The following TRIOBP variants were observed in gnomAD, a reference collection of about 807,000 sequenced individuals.
TRIOBP encodes TRIO and F-actin binding protein, also known as TRIO and F-actin-binding protein.
In TRIOBP, 169 loss-of-function variants were observed where a neutral mutation model predicts 238.8. The ratio of observed to expected loss-of-function variants is 0.71; its 90% CI spans 0.62 to 0.80. The LOEUF (loss-of-function observed/expected upper bound fraction) is 0.80, where lower values mean the gene tolerates loss of function less well. Among genes scored for constraint, TRIOBP ranks in the 30% least tolerant of loss-of-function variants. The pLI, the probability that TRIOBP is intolerant of heterozygous loss-of-function variation, is 0.00. For missense variants in TRIOBP, 2,838 were observed against 3,122.6 expected (o/e 0.91, Z 2.17); for synonymous variants, 1,150 against 1,274.4 (o/e 0.90, Z 2.08).
intron 3 of TRIOBP, among the ~76,000 whole-genome samples, chr22:37,705,907 C>T (rs188641108): frequency 8.5e-4 from 130 of 152,192 alleles, no homozygotes; most frequent in African/African-American, 3.0e-3. Flanking sequence ...AAGGGAGTGA[C>T]GTGCTCTGAT....
chr22:37,765,758 A>G lies in TRIOBP; in HGVS notation c.6413A>G (p.Gln2138Arg), dbSNP rs1449266707. 6.3e-6 allele frequency: 10 copies of G among 1,581,004 alleles called. No homozygotes were observed. The highest frequency in any genetic ancestry group is 8.6e-6 in the Non-Finnish European group (10 of 1,165,390). Residue 2138 changes from glutamine (Q) to arginine (R), a missense_variant, in exon 18 of 24, where the codon CAG becomes CGG. Physicochemically the swap from Gln to Arg is conservative, Grantham distance 43 (BLOSUM62 1). Around this residue, in one of 5 missense-constraint regions of TRIOBP, gnomAD observed 2,096 missense variants for 2,137.4 expected, o/e 0.98. Coordinates refer to ENST00000644935, the MANE Select transcript of TRIOBP (RefSeq NM_001039141.3). ...CAGCGGCACCACGAGCGGGAGCTGC[A>G]GCGCCTGCAGCAGGAGAAGGAGTGG... ...ELQRHHERELQRLQQEKEWLL... is the reference protein window; with the variant it reads ...ELQRHHERELRRLQQEKEWLL...
chr22:37,709,237 G>A (rs577926380), intron 3 of TRIOBP, among the ~76,000 whole-genome samples: 2 of 152,322 alleles, frequency 1.3e-5, no homozygotes, highest in South Asian at 4.1e-4. Flanking sequence ...ACCCTGTGGT[G>A]CCGACCAGGC....
chr22:37,742,257 G>GTTTT (rs762341330), intron 11 of TRIOBP, among the ~76,000 whole-genome samples: 1,970 of 102,634 alleles, frequency 0.019, 60 homozygotes, highest in Middle Eastern at 0.029. Flanking sequence ...CACGCCAGGC[G>GTTTT]TTTTTTTTTT....
chr22:37,751,963 C>CA lies in TRIOBP; in HGVS notation c.5379+136dup, dbSNP rs1925633200. 12 of 874,026 alleles carry CA rather than the reference C, an allele frequency of 1.4e-5. No homozygotes were observed. In the South Asian group the frequency reaches 1.7e-4, roughly 13 times the overall value. 54.1% of individuals were successfully genotyped at this position (874,026 alleles called of 1,614,324 possible). A position where few individuals can be genotyped will look rare whatever the true frequency, so the allele number is the denominator to read the frequency against. On this transcript the variant is annotated intron_variant, in intron 12 of 23. Coordinates refer to ENST00000644935, the MANE Select transcript of TRIOBP (RefSeq NM_001039141.3). ...GGGGCTGGGAGGGGTGGAGGCTGCC[C>CA]ATTAGGCTTCTGCCTCCTGGAGCAG... is the stretch of plus-strand genomic sequence containing the variant.
Position 37,710,473 on chromosome 22 carries a change from C to T in TRIOBP, c.161C>T (p.Pro54Leu). Residue 54 changes from proline to leucine, a missense_variant, in exon 4 of 24, where the codon CCT becomes CTT. Around this residue, in one of 5 missense-constraint regions of TRIOBP, gnomAD observed 535 missense variants for 537.3 expected, o/e 1.00. Transcript: ENST00000644935. ...SGAEVPYCDL[P>L]RCPPAPEDPL... ...GCTGAGGTGCCCTACTGCGACCTGC[C>T]TCGATGTCCACCTGCCCCTGAGGAC... 6.2e-7 allele frequency: 1 copy of T among 1,613,438 alleles called. No individual in the cohort carries two copies. The highest frequency in any genetic ancestry group is 8.5e-7 in the Non-Finnish European group (1 of 1,179,980).
chr22:37,724,425 C>T lies in TRIOBP; in HGVS notation c.1869C>T (p.Asn623=), dbSNP rs759484344. Residue 623 remains asparagine, a synonymous_variant, in exon 7 of 24, where the codon AAC becomes AAT. Transcript: ENST00000644935. ...TSSPNRATRD[N]PRTSCAQRDN... is the part of the protein sequence containing the mutation. ...CTCCCAATAGAGCCACACGAGATAACCCCAGAACATCCTGTGCCCAGCGGG... is the reference window on the plus strand; with the variant it reads ...CTCCCAATAGAGCCACACGAGATAATCCCAGAACATCCTGTGCCCAGCGGG... The T allele has an allele frequency of 1.3e-6, 2 of 1,514,546 alleles. No homozygotes were observed. Among genetic ancestry groups the T allele is most frequent in the Non-Finnish European group, 1.8e-6 (2 of 1,121,964 alleles). The allele number at this position is 1,514,546 out of a possible 1,614,324, so 93.8% of individuals were successfully genotyped here.
rs554542195 is a variant in TRIOBP at position 37,745,249 on chromosome 22, G to A, written c.5322+4217G>A. On this transcript the variant is annotated intron_variant, in intron 11 of 23. Transcript: ENST00000644935. ...CAAGCTTCCCTGCCTCCTTGCCTAA[G>A]GATAGCTAATGAGGGATAAAGAGGT... Among the ~76,000 whole-genome samples the A allele has an allele frequency of 4.6e-5, 7 of 152,222 alleles. No homozygotes were observed. The South Asian group carries it at 1.5e-3, about 32-fold the overall frequency.
At chr22:37,753,576 G>A (rs535618824) in intron 12 of TRIOBP, among the ~76,000 whole-genome samples, 1 of 152,352 alleles carries the variant, frequency 6.6e-6, no homozygotes, top group African/African-American at 2.4e-5. Context: ...ACCGCGCCCA[G>A]CTATAGGGAC....
chr22:37,702,493 C>G (rs569843886), intron 3 of TRIOBP, among the ~76,000 whole-genome samples: 1 of 152,108 alleles, frequency 6.6e-6, no homozygotes, highest in East Asian at 1.9e-4. Flanking sequence ...CGTGAGCCAC[C>G]GCGCCTGGCC....
rs562478493 is a variant in TRIOBP at position 37,739,537 on chromosome 22, T to A, written c.5184+818T>A. Among the ~76,000 whole-genome samples, 5 of 152,210 alleles carry A rather than the reference T, an allele frequency of 3.3e-5. No homozygotes were observed. In the East Asian group the frequency reaches 7.7e-4, roughly 24 times the overall value. On this transcript the variant is annotated intron_variant, in intron 10 of 23. Coordinates refer to ENST00000644935, the MANE Select transcript of TRIOBP (RefSeq NM_001039141.3). ...ATGGAGGCAGGGGAGTCGTCCCAGGTTATACAGTCAGTGGCTAGCTGGACT... is the reference window on the plus strand; with the variant it reads ...ATGGAGGCAGGGGAGTCGTCCCAGGATATACAGTCAGTGGCTAGCTGGACT...
intron 6 of TRIOBP, among the ~76,000 whole-genome samples, chr22:37,721,400 T>C (rs1923822250): frequency 6.6e-6 from 1 of 152,180 alleles, no homozygotes; most frequent in African/African-American, 2.4e-5. Context: ...AGGCAGTGGC[T>C]GCAAAGGGAG....
At position 37,710,544 on chromosome 22, in the gene TRIOBP, G is replaced by A; in HGVS notation, c.232G>A (p.Gly78Ser). ...CGGCTGCCAGTCTGTGGTGGACCCAGGCCTCAGGCCAGGGCCCAAGAGGTG... is the reference window on the plus strand; with the variant it reads ...CGGCTGCCAGTCTGTGGTGGACCCAAGCCTCAGGCCAGGGCCCAAGAGGTG... ...TSGCQSVVDP[G>S]LRPGPKRGPS... Residue 78 changes from glycine to serine, a missense_variant, in exon 4 of 24, where the codon GGC becomes AGC. Physicochemically the swap from Gly to Ser is moderately conservative, Grantham distance 56. Around this residue, in one of 5 missense-constraint regions of TRIOBP, gnomAD observed 535 missense variants for 537.3 expected, o/e 1.00. Transcript: ENST00000644935. The A allele has an allele frequency of 1.2e-6, 2 of 1,611,622 alleles. No individual in the cohort carries two copies. The highest frequency in any genetic ancestry group is 1.7e-6 in the Non-Finnish European group (2 of 1,179,858).
At position 37,771,716 on chromosome 22, in the gene TRIOBP, G is replaced by A. The variant is rs1378851710; in HGVS notation, c.6916G>A (p.Glu2306Lys). 1.7e-5 allele frequency: 27 copies of A among 1,614,128 alleles called. 1 individual carries two copies. Among genetic ancestry groups the A allele is most frequent in the South Asian group, 1.3e-4 (12 of 91,078 alleles). Residue 2306 changes from glutamate (E) to lysine (K), a missense_variant, in exon 22 of 24, where the codon GAG (glutamate) becomes AAG (lysine). Coordinates refer to ENST00000644935, the MANE Select transcript of TRIOBP (RefSeq NM_001039141.3). ...GAAGGAGGTGCAGTGCCTCCGGGAC[G>A]AGCTCCAGATGATGCAGAAGGTAGG... The part of the protein sequence containing the change: ...LKKEVQCLRD[E>K]LQMMQKDKRF...
chr22:37,763,898 G>C (rs533930704), intron 17 of TRIOBP, among the ~76,000 whole-genome samples: 1 of 152,210 alleles, frequency 6.6e-6, no homozygotes, highest in Admixed American at 6.5e-5. Context: ...GCAGGCACCC[G>C]TTGTATCCCT....
chr22:37,715,622 C>G (rs1236829997), intron 5 of TRIOBP, 141 bp from the exon 6 acceptor site: 2 of 930,484 alleles, frequency 2.1e-6, no homozygotes, highest in Admixed American at 2.0e-5. Flanking sequence ...GGATTGCAGG[C>G]GTGAGCCACA....
At chr22:37,711,213 T>C (rs929680697) in intron 4 of TRIOBP, among the ~76,000 whole-genome samples, 4 of 152,202 alleles carry the variant, frequency 2.6e-5, no homozygotes, top group African/African-American at 9.7e-5. Context: ...TAAGAGGGAT[T>C]GAATTAAATC....
rs869261824 is a variant in TRIOBP, at chr22:37,720,000, CTTT to C, written c.629-3161_629-3159del. 8.6e-4 allele frequency among the ~76,000 whole-genome samples: 47 copies of C among 54,400 alleles called. 3 individuals carry two copies. The highest frequency in any genetic ancestry group is 1.2e-3 in the African/African-American group (16 of 13,116). 35.7% of individuals were successfully genotyped at this position (54,400 alleles called of 152,430 possible). A position where few individuals can be genotyped will look rare whatever the true frequency, so the allele number is the denominator to read the frequency against. The stretch of plus-strand genomic sequence containing the variant: ...ACTGTTTCACTCATCCCCCCCCGCC[CTTT>C]TTTTTTTTTTTTTTTTTTTTTTTGA... On this transcript the variant is annotated intron_variant, in intron 6 of 23. Coordinates refer to ENST00000644935, the MANE Select transcript of TRIOBP (RefSeq NM_001039141.3).
intron 11 of TRIOBP, among the ~76,000 whole-genome samples, chr22:37,743,801 A>ATGCGTGTGTG (rs1925059507): frequency 8.8e-6 from 1 of 114,100 alleles, no homozygotes. Flanking sequence ...GAGAGAGAGA[A>ATGCGTGTGTG]TGTGTGTGTG....
intron 11 of TRIOBP, among the ~76,000 whole-genome samples, chr22:37,749,900 G>C (rs1925492496): frequency 6.6e-6 from 1 of 152,018 alleles, no homozygotes; most frequent in African/African-American, 2.4e-5. Context: ...TCAGCAGTAA[G>C]CTGTGATCAC....
Sources: gnomAD v4.1 joint callset for allele counts (sites outside exome capture counted in the v4.1 genomes callset) on GRCh38, gnomAD v4.1.1 for gene constraint, gnomAD v4.1.1 regional missense constraint, MANE v1.5 for transcripts, NCBI Gene and HGNC (gene_info 2026-07-23, HGNC 2026-07-21) for gene names.